The following PTPN4 variants were observed in gnomAD, a reference collection of about 807,000 sequenced individuals.
PTPN4 encodes protein tyrosine phosphatase non-receptor type 4, also known as tyrosine-protein phosphatase non-receptor type 4.
A neutral mutation model predicts 135.5 loss-of-function variants in PTPN4; 49 were observed. That is an observed-to-expected ratio of 0.36 (90% CI 0.29 to 0.46). The LOEUF (loss-of-function observed/expected upper bound fraction) is 0.46, where lower values mean the gene tolerates loss of function less well. Among genes scored for constraint, PTPN4 ranks in the 20% least tolerant of loss-of-function variants. The pLI is 1.00. For missense variants in PTPN4, 860 were observed against 1,101.0 expected, an observed-to-expected ratio of 0.78 and a Z score of 3.10; for synonymous variants, 333 against 369.9, an observed-to-expected ratio of 0.90 and a Z score of 1.14.
intron 26 of PTPN4, among the ~76,000 whole-genome samples, chr2:119,970,733 A>T (rs1325666317): frequency 6.6e-6 from 1 of 152,222 alleles, no homozygotes; most frequent in East Asian, 1.9e-4. Context: ...TTTGGTTTGT[A>T]TCCACTTTTT....
intron 2 of PTPN4, among the ~76,000 whole-genome samples, chr2:119,848,299 G>A (rs1337103740): frequency 1.3e-5 from 2 of 151,070 alleles, no homozygotes; most frequent in African/African-American, 4.9e-5. Flanking sequence ...TCAGCCTCCC[G>A]AGTAACTGGG....
intron 10 of PTPN4, among the ~76,000 whole-genome samples, chr2:119,904,980 G>GA (rs1219375739): frequency 7.0e-6 from 1 of 142,664 alleles, no homozygotes; most frequent in Non-Finnish European, 1.5e-5. Context: ...TGACAGAGCA[G>GA]ATAAGATATA....
chr2:119,767,955 C>G (rs1368041306), intron 1 of PTPN4, among the ~76,000 whole-genome samples: 1 of 152,126 alleles, frequency 6.6e-6, no homozygotes, highest in East Asian at 1.9e-4. Context: ...GTCAATAGAG[C>G]TGAAGGCTGT....
chr2:119,826,383 A>C (rs1434001464), intron 2 of PTPN4, among the ~76,000 whole-genome samples: 1 of 152,244 alleles, frequency 6.6e-6, no homozygotes, highest in Non-Finnish European at 1.5e-5. Context: ...AGTGTTTAGC[A>C]AGAGCTTTTG....
intron 1 of PTPN4, among the ~76,000 whole-genome samples, chr2:119,794,318 G>A (rs1288093440): frequency 1.3e-5 from 2 of 152,200 alleles, no homozygotes; most frequent in Non-Finnish European, 2.9e-5. Flanking sequence ...GGCCTGCTGG[G>A]CTTGTTCCAT....
chr2:119,827,638 C>G (rs578158776), intron 2 of PTPN4, among the ~76,000 whole-genome samples: 10 of 152,070 alleles, frequency 6.6e-5, no homozygotes, highest in African/African-American at 2.2e-4. Context: ...ATCACTGGAT[C>G]GAGATAATAG....
At chr2:119,928,601 A>G (rs1678858186) in intron 13 of PTPN4, among the ~76,000 whole-genome samples, 1 of 152,184 alleles carries the variant, frequency 6.6e-6, no homozygotes. Flanking sequence ...ACCTGTGATA[A>G]TGGAAAATCT....
In PTPN4 at chr2:119,809,832, C is replaced by G; in HGVS notation, c.-17-5C>G. The G allele has an allele frequency of 6.5e-7, 1 of 1,531,788 alleles. No homozygotes were observed. Among genetic ancestry groups the G allele is most frequent in the South Asian group, 1.3e-5 (1 of 79,334 alleles). The allele number at this position is 1,531,788 out of a possible 1,614,324, so 94.9% of individuals were successfully genotyped here. A position where few individuals can be genotyped will look rare whatever the true frequency, so the allele number is the denominator to read the frequency against. On this transcript the variant is annotated splice_polypyrimidine_tract_variant and splice_region_variant and intron_variant, in intron 1 of 26. Transcript: ENST00000263708. ...ATTTAGTGAATTTTTTTTTTTTTAA[C>G]TTAGACTTTGTGTGGACAGTAATGA...
intron 10 of PTPN4, among the ~76,000 whole-genome samples, chr2:119,906,340 A>G (rs1678487727): frequency 6.6e-6 from 1 of 152,182 alleles, no homozygotes; most frequent in Non-Finnish European, 1.5e-5. Flanking sequence ...GAAAAAAAAG[A>G]AAAGACAGAA....
intron 2 of PTPN4, among the ~76,000 whole-genome samples, chr2:119,822,506 G>T (rs1157600744): frequency 6.6e-6 from 1 of 152,074 alleles, no homozygotes; most frequent in African/African-American, 2.4e-5. Context: ...CTACAGGCAT[G>T]TGCCACCATG....
chr2:119,790,213 ATGTC>A (rs1316405792), intron 1 of PTPN4, among the ~76,000 whole-genome samples: 10 of 152,180 alleles, frequency 6.6e-5, no homozygotes, highest in African/African-American at 2.4e-4. Context: ...TGTTCTATAA[ATGTC>A]TGTTAGATCT....
intron 1 of PTPN4, among the ~76,000 whole-genome samples, chr2:119,789,510 A>G (rs1691102855): frequency 6.6e-6 from 1 of 152,216 alleles, no homozygotes; most frequent in Non-Finnish European, 1.5e-5. Context: ...ATCCAGTGCC[A>G]TGAAGCTCTA....
chr2:119,922,327 A>T (rs1352760534), intron 12 of PTPN4, among the ~76,000 whole-genome samples: 3 of 152,020 alleles, frequency 2.0e-5, no homozygotes, highest in Non-Finnish European at 2.9e-5. Context: ...CAAATTTTAC[A>T]TGTTTTTCGA....
At chr2:119,904,658 G>A (rs1240221018) in intron 10 of PTPN4, among the ~76,000 whole-genome samples, 8 of 152,172 alleles carry the variant, frequency 5.3e-5, no homozygotes, top group Admixed American at 5.2e-4. Flanking sequence ...AAAGGATCAA[G>A]TCACACATAA....
intron 1 of PTPN4, among the ~76,000 whole-genome samples, chr2:119,788,990 A>C (rs919236162): frequency 2.0e-5 from 3 of 151,874 alleles, no homozygotes; most frequent in Non-Finnish European, 4.4e-5. Flanking sequence ...TTGAGGAACA[A>C]CTCTACTGTT....
intron 19 of PTPN4, 39 bp from the exon 20 acceptor site, chr2:119,955,118 T>G: frequency 6.5e-7 from 1 of 1,535,852 alleles, no homozygotes; most frequent in Non-Finnish European, 8.8e-7. Flanking sequence ...TTCATTAAGA[T>G]TTCCACGTTT....
chr2:119,876,833 C>A (rs755217556), intron 3 of PTPN4, among the ~76,000 whole-genome samples: 1 of 150,692 alleles, frequency 6.6e-6, no homozygotes, highest in Non-Finnish European at 1.5e-5. Context: ...TATAAAATTT[C>A]TCCTCAGTGG....
intron 2 of PTPN4, among the ~76,000 whole-genome samples, chr2:119,844,155 A>G (rs1371354216): frequency 1.7e-5 from 1 of 58,848 alleles, no homozygotes; most frequent in African/African-American, 7.1e-5. Context: ...CGGGGGGCCG[A>G]CGCCCCCCAC....
chr2:119,797,712 C>CT (rs1308487628), intron 1 of PTPN4, among the ~76,000 whole-genome samples: 5 of 152,168 alleles, frequency 3.3e-5, no homozygotes, highest in East Asian at 1.9e-4. Flanking sequence ...AAAAAATAAA[C>CT]TAAGTTTTTG....
Sources: gnomAD v4.1 joint callset for allele counts (sites outside exome capture counted in the v4.1 genomes callset) on GRCh38, gnomAD v4.1.1 for gene constraint, MANE v1.5 for transcripts, NCBI Gene and HGNC (gene_info 2026-07-23, HGNC 2026-07-21) for gene names.